Variants in SYNE3 observed in about 807,000 individuals in gnomAD.
The protein encoded by SYNE3 is nesprin-3.
In SYNE3, 100 loss-of-function variants were observed where a neutral mutation model predicts 111.2. The ratio of observed to expected loss-of-function variants is 0.90; its 90% CI spans 0.77 to 1.06. The LOEUF is 1.06. Ranked by LOEUF, SYNE3 falls within the 50% of genes least tolerant of loss-of-function variation. The pLI, the probability that SYNE3 is intolerant of heterozygous loss-of-function variation, is 0.00. For missense variants in SYNE3, 1,160 were observed against 1,240.3 expected, an observed-to-expected ratio of 0.94 and a Z score of 0.97; for synonymous variants, 547 against 533.9, an observed-to-expected ratio of 1.02 and a Z score of -0.34.
Position 95,410,646 on chromosome 14 carries a change from T to C in SYNE3, c.*7180A>G, listed in dbSNP as rs1284828628. On this transcript the variant is annotated 3_prime_UTR_variant, in exon 18 of 18. Coordinates refer to ENST00000682763, the MANE Select transcript of SYNE3 (RefSeq NM_152592.6). ...TGCAAAGCCTTGGCTCTGACATCCA[T>C]AACCTGAGGAGACGATGCCAGCAAC... The C allele has an allele frequency of 2.0e-5, 3 of 152,224 alleles. No individual in the cohort carries two copies. Among genetic ancestry groups the C allele is most frequent in the Non-Finnish European group, 4.4e-5 (3 of 68,052 alleles). The allele number at this position is 152,224 out of a possible 1,614,324, so 9.4% of individuals were successfully genotyped here.
At chr14:95,479,224 CAAAAAAAAAA>C (rs71132351) in intron 1 of SYNE3, among the ~76,000 whole-genome samples, 70 of 86,302 alleles carry the variant, frequency 8.1e-4, no homozygotes, top group African/African-American at 2.4e-3. Context: ...TCGTCTCTAC[CAAAAAAAAAA>C]AAAAAAAAAA....
At chr14:95,454,244 T>G (rs926869209) in intron 6 of SYNE3, among the ~76,000 whole-genome samples, 2 of 152,262 alleles carry the variant, frequency 1.3e-5, no homozygotes, top group African/African-American at 4.8e-5. Context: ...TATGTTAATT[T>G]TCTAGAACTG....
chr14:95,435,241 G>GAAAAAAAAAAAGATAAGA (rs34798722), intron 15 of SYNE3, among the ~76,000 whole-genome samples: 1 of 147,656 alleles, frequency 6.8e-6, no homozygotes, highest in African/African-American at 2.5e-5. Context: ...TATAAAATAA[G>GAAAAAAAAAAAGATAAGA]AAAAAAAAAA....
chr14:95,415,279 C>CCCCCA lies in SYNE3; in HGVS notation c.*2542_*2546dup, dbSNP rs1426788016. ...AGGAAAGTGGACACCTGGCAAGGCCCCCCCACCCACCCACCCTGCCACTGC... is the reference window on the plus strand; with the variant it reads ...AGGAAAGTGGACACCTGGCAAGGCCCCCCCACCCCACCCACCCACCCTGCCACTGC... On this transcript the variant is annotated 3_prime_UTR_variant, in exon 18 of 18. Coordinates refer to ENST00000682763, the MANE Select transcript of SYNE3 (RefSeq NM_152592.6). 1 of 148,704 alleles carries CCCCCA rather than the reference C, an allele frequency of 6.7e-6. No homozygotes were observed. Among genetic ancestry groups the CCCCCA allele is most frequent in the Non-Finnish European group, 1.5e-5 (1 of 67,078 alleles). The allele number at this position is 148,704 out of a possible 1,614,324, so 9.2% of individuals were successfully genotyped here.
intron 1 of SYNE3, among the ~76,000 whole-genome samples, chr14:95,480,139 C>A (rs73341000): frequency 0.071 from 10,826 of 151,870 alleles, 1,307 homozygotes; most frequent in African/African-American, 0.25. Flanking sequence ...TAAAAAGAAG[C>A]AAAAAAAAGT....
chr14:95,443,146 G>A lies in SYNE3; in HGVS notation c.1911+9C>T, dbSNP rs367714906. The A allele has an allele frequency of 6.2e-7, 1 of 1,613,648 alleles. No individual in the cohort carries two copies. The highest frequency in any genetic ancestry group is 2.2e-5 in the East Asian group (1 of 44,878). On this transcript the variant is annotated intron_variant, in intron 11 of 17. Transcript: ENST00000682763. ...TGTCAAAGCACAGGCCCTTCTGCCA[G>A]CCCCTTACCTCCAGAGACCTCTGCA...
In SYNE3 at chr14:95,409,763, G is replaced by A; in HGVS notation, c.*8063C>T. The A allele has an allele frequency of 4.0e-6, 1 of 247,030 alleles. No individual in the cohort carries two copies. The highest frequency in any genetic ancestry group is 8.0e-6 in the Non-Finnish European group (1 of 124,268). 15.3% of individuals were successfully genotyped at this position (247,030 alleles called of 1,614,324 possible). ...GAAGCTAAGGGAGAAACGACAGCTG[G>A]TTTTAAGTCCTCTTTGACTCTGGGC... is the stretch of plus-strand genomic sequence containing the variant. On this transcript the variant is annotated 3_prime_UTR_variant, in exon 18 of 18. Coordinates refer to ENST00000682763, the MANE Select transcript of SYNE3 (RefSeq NM_152592.6).
intron 1 of SYNE3, among the ~76,000 whole-genome samples, chr14:95,486,745 T>C (rs942254644): frequency 6.6e-6 from 1 of 152,230 alleles, no homozygotes; most frequent in African/African-American, 2.4e-5. Context: ...TAGATGAACA[T>C]GTCTTTCCAT....
At chr14:95,492,598 C>G (rs1038703228) in intron 1 of SYNE3, among the ~76,000 whole-genome samples, 18 of 152,258 alleles carry the variant, frequency 1.2e-4, no homozygotes, top group African/African-American at 3.9e-4. Flanking sequence ...TTAGTGGTTT[C>G]CTAGGGCTAG....
At chr14:95,494,889 G>A (rs1890019143) in intron 1 of SYNE3, among the ~76,000 whole-genome samples, 1 of 152,152 alleles carries the variant, frequency 6.6e-6, no homozygotes, top group South Asian at 2.1e-4. Context: ...GAGGTGTGTG[G>A]ATCGCCTGAG....
intron 1 of SYNE3, among the ~76,000 whole-genome samples, chr14:95,478,105 G>A (rs77335305): frequency 3.7e-4 from 56 of 152,254 alleles, no homozygotes; most frequent in East Asian, 2.1e-3. Flanking sequence ...CCAGGGACCC[G>A]GTGGGGTTGA....
chr14:95,465,456 G>T (rs4900269), intron 4 of SYNE3, among the ~76,000 whole-genome samples: 9,774 of 151,974 alleles, frequency 0.064, 651 homozygotes, highest in African/African-American at 0.17. Context: ...AGGTGGTGAA[G>T]GGGTAGGCAG....
At chr14:95,482,306 C>T (rs768359696) in intron 1 of SYNE3, among the ~76,000 whole-genome samples, 14 of 152,134 alleles carry the variant, frequency 9.2e-5, no homozygotes, top group Non-Finnish European at 1.5e-4. Flanking sequence ...TGATAGCGTG[C>T]GCCTGTAATC....
At chr14:95,504,632 T>C (rs1370228270) in intron 1 of SYNE3, among the ~76,000 whole-genome samples, 1 of 152,188 alleles carries the variant, frequency 6.6e-6, no homozygotes, top group East Asian at 1.9e-4. Flanking sequence ...GAATCATTGC[T>C]GGACTGGGTC....
intron 3 of SYNE3, 83 bp from the exon 4 acceptor site, chr14:95,466,323 C>A: frequency 6.9e-7 from 1 of 1,447,752 alleles, no homozygotes; most frequent in Non-Finnish European, 9.2e-7. Flanking sequence ...ACCCCCTCCC[C>A]AATACTAGGG....
intron 16 of SYNE3, among the ~76,000 whole-genome samples, chr14:95,432,748 G>A (rs1377663026): frequency 6.6e-6 from 1 of 151,862 alleles, no homozygotes; most frequent in African/African-American, 2.4e-5. Flanking sequence ...GGGCAAGTTA[G>A]AGACATGGGG....
intron 1 of SYNE3, among the ~76,000 whole-genome samples, chr14:95,509,228 G>A (rs1234673272): frequency 6.6e-6 from 1 of 152,204 alleles, no homozygotes; most frequent in East Asian, 1.9e-4. Context: ...CCAGGTGTTG[G>A]TGGGAAGGGG....
chr14:95,515,236 T>C (rs1252295890), intron 1 of SYNE3, among the ~76,000 whole-genome samples: 1 of 152,228 alleles, frequency 6.6e-6, no homozygotes, highest in Non-Finnish European at 1.5e-5. Context: ...CCAGCAGGCT[T>C]GGCACAGCTG....
chr14:95,506,672 G>A (rs112077665), intron 1 of SYNE3, among the ~76,000 whole-genome samples: 1,533 of 152,356 alleles, frequency 0.01, 23 homozygotes, highest in African/African-American at 0.035. Flanking sequence ...GGAAAAGAGG[G>A]AGAACTTGGA....
Sources: gnomAD v4.1 joint callset for allele counts (sites outside exome capture counted in the v4.1 genomes callset) on GRCh38, gnomAD v4.1.1 for gene constraint, MANE v1.5 for transcripts, NCBI Gene and HGNC (gene_info 2026-07-23, HGNC 2026-07-21) for gene names.